The following OCRL variants were observed in gnomAD, a reference collection of about 807,000 sequenced individuals.
The protein encoded by OCRL is OCRL inositol polyphosphate-5-phosphatase, also known as inositol polyphosphate 5-phosphatase OCRL.
OCRL carries 8 observed loss-of-function variants against 78.9 expected under a neutral mutation model. The observed-to-expected ratio is 0.10, with a 90% confidence interval of 0.06 to 0.18. The LOEUF is 0.18. OCRL is among the 10% of genes least tolerant of loss of function. The pLI is 1.00. For synonymous variants in OCRL, 240 were observed against 235.4 expected, an observed-to-expected ratio of 1.02 and a Z score of -0.18; for missense variants, 454 against 696.7, an observed-to-expected ratio of 0.65 and a Z score of 3.92.
At chrX:129,540,523 G>A (rs1385921005) in intron 1 of OCRL, 45 bp downstream of exon 1, 19 of 1,122,269 alleles carry the variant, frequency 1.7e-5, no homozygotes, top group Admixed American at 2.6e-5. Context: ...GCAGGGCCGG[G>A]GGTGGGGGTC....
At chrX:129,568,669 T>G (rs768801586) in intron 14 of OCRL, among the ~76,000 whole-genome samples, 1 of 112,610 alleles carries the variant, frequency 8.9e-6, no homozygotes, top group South Asian at 3.7e-4. Context: ...TGGTATTCTG[T>G]GGACTGACAT....
intron 4 of OCRL, 124 bp from the exon 5 acceptor site, chrX:129,557,201 A>G (rs1936066492): frequency 3.5e-6 from 2 of 573,350 alleles, no homozygotes; most frequent in Non-Finnish European, 5.9e-6. Flanking sequence ...TGTGCTTCCT[A>G]TATTAGAGAT....
chrX:129,559,401 G>C (rs746023894), intron 8 of OCRL, among the ~76,000 whole-genome samples: 18 of 111,790 alleles, frequency 1.6e-4, no homozygotes, highest in Non-Finnish European at 3.0e-4. Flanking sequence ...GTTTCACCAG[G>C]TTGCCCAGGC....
chrX:129,590,966 C>T lies in OCRL; in HGVS notation c.*696C>T, dbSNP rs1183826848. 3 of 114,126 alleles carry T rather than the reference C, an allele frequency of 2.6e-5. No individual in the cohort carries two copies. The highest frequency in any genetic ancestry group is 7.2e-4 in the South Asian group (2 of 2,775). 9.4% of individuals were successfully genotyped at this position (114,126 alleles called of 1,213,427 possible). On this transcript the variant is annotated 3_prime_UTR_variant, in exon 24 of 24. Transcript: ENST00000371113. ...GTAGGGACTATTAGAGATGGCATCT[C>T]ATCGATGAGAGAGAATCACAATCAG...
chrX:129,571,363 GTTTTTT>G (rs1301308479), intron 15 of OCRL, among the ~76,000 whole-genome samples: 1 of 80,522 alleles, frequency 1.2e-5, no homozygotes, highest in East Asian at 3.9e-4. Flanking sequence ...TTGTTTTTTG[GTTTTTT>G]TTTTTTTTTT....
chrX:129,569,248 G>GTTTC lies in OCRL; in HGVS notation c.1467-12_1467-9dup. 11 of 1,209,642 alleles carry GTTTC rather than the reference G, an allele frequency of 9.1e-6. No individual in the cohort carries two copies. Among genetic ancestry groups the GTTTC allele is most frequent in the Non-Finnish European group, 1.2e-5 (11 of 893,786 alleles). On this transcript the variant is annotated splice_polypyrimidine_tract_variant and intron_variant, in intron 14 of 23. Coordinates refer to ENST00000371113, the MANE Select transcript of OCRL (RefSeq NM_000276.4). ...GTGTGATATGTTCTCTTTATAACTC[G>GTTTC]TTTCTTTACTTACAGTGGGAAATGC...
chrX:129,540,998 C>T (rs765016977), intron 2 of OCRL, among the ~76,000 whole-genome samples, 175 bp downstream of exon 2: 1 of 111,741 alleles, frequency 8.9e-6, no homozygotes, highest in African/African-American at 3.3e-5. Flanking sequence ...ACTTCCAAGC[C>T]TCTGGATTGT....
chrX:129,547,480 G>C (rs1328195459), intron 3 of OCRL, among the ~76,000 whole-genome samples: 23 of 100,415 alleles, frequency 2.3e-4, no homozygotes, highest in African/African-American at 7.1e-4. Flanking sequence ...AGCCGAGATC[G>C]TGCCACTGCA....
At chrX:129,581,686 A>G (rs1009410032) in intron 18 of OCRL, among the ~76,000 whole-genome samples, 2 of 102,609 alleles carry the variant, frequency 1.9e-5, no homozygotes, top group South Asian at 4.5e-4. Flanking sequence ...ATCCTTTAAT[A>G]TATATACTTA....
intron 8 of OCRL, among the ~76,000 whole-genome samples, chrX:129,559,336 C>T (rs1021747432): frequency 1.8e-5 from 2 of 111,626 alleles, no homozygotes; most frequent in African/African-American, 6.5e-5. Context: ...GTAGGTGGAA[C>T]TACAGGTGCA....
chrX:129,540,812 C>A lies in OCRL; in HGVS notation c.108C>A (p.Asn36Lys), dbSNP rs1282233549. ...GCGCCCTGACCCTAGCCCAGAGGAA[C>A]GGGCAATATGAGTAAGTAACCACCT... is the stretch of plus-strand genomic sequence containing the variant. ...EPCALTLAQR[N>K]GQYELIIQLH... Residue 36 changes from asparagine to lysine, a missense_variant, in exon 2 of 24, where the codon AAC becomes AAA. This residue lies in a region of OCRL where 177 missense variants were observed against 179.6 expected (regional missense o/e 0.99). Coordinates refer to ENST00000371113, the MANE Select transcript of OCRL (RefSeq NM_000276.4). The A allele has an allele frequency of 1.7e-6, 2 of 1,203,819 alleles. No homozygotes were observed. The highest frequency in any genetic ancestry group is 1.8e-5 in the South Asian group (1 of 56,782).
intron 12 of OCRL, among the ~76,000 whole-genome samples, chrX:129,563,397 A>G (rs1213786758): frequency 8.9e-6 from 1 of 112,475 alleles, no homozygotes; most frequent in Non-Finnish European, 1.9e-5. Flanking sequence ...AATGAAATTT[A>G]TTGATACTCA....
intron 3 of OCRL, among the ~76,000 whole-genome samples, chrX:129,547,178 G>A (rs1935890744): frequency 9.0e-6 from 1 of 111,406 alleles, no homozygotes; most frequent in Non-Finnish European, 1.9e-5. Context: ...GCAGTGAGCT[G>A]TGATTGTGCC....
chrX:129,568,106 C>T (rs1299807565), intron 14 of OCRL, among the ~76,000 whole-genome samples: 4 of 109,071 alleles, frequency 3.7e-5, no homozygotes, highest in Non-Finnish European at 7.6e-5. Flanking sequence ...TTAGTAGAGA[C>T]GGGGTTTCAC....
chrX:129,578,012 G>A (rs1042722355), intron 18 of OCRL, among the ~76,000 whole-genome samples: 21 of 111,038 alleles, frequency 1.9e-4, no homozygotes, highest in African/African-American at 4.3e-4. Context: ...CAGAAAAATG[G>A]AAAGAACAGT....
chrX:129,588,772 G>A (rs1386873786), intron 21 of OCRL, 114 bp from the exon 22 acceptor site: 8 of 882,467 alleles, frequency 9.1e-6, no homozygotes, highest in South Asian at 8.0e-5. Flanking sequence ...GGATCAATGT[G>A]CCCTGAATAA....
Position 129,587,021 on chromosome X carries a change from T to C in OCRL, c.2159T>C (p.Met720Thr). The C allele has an allele frequency of 8.3e-7, 1 of 1,203,658 alleles. No homozygotes were observed. The highest frequency in any genetic ancestry group is 1.1e-6 in the Non-Finnish European group (1 of 888,030). ...FLEKEKSLLQ[M>T]VPLDEGASER... ...TATTAGGAGAAATCCCTTCTGCAAA[T>C]GGTTCCTTTGGATGAAGGTGCCAGT... is the stretch of plus-strand genomic sequence containing the variant. The change falls in exon 20 of 24, where the codon ATG (methionine) becomes ACG (threonine). Residue 720 changes from methionine (M) to threonine (T), a missense_variant. Met to Thr is a moderately conservative substitution (Grantham distance 81, BLOSUM62 -1). This residue lies in a region of OCRL where 277 missense variants were observed against 517.1 expected (regional missense o/e 0.54). Transcript: ENST00000371113.
chrX:129,543,332 T>C (rs138799473), intron 2 of OCRL, among the ~76,000 whole-genome samples: 1,200 of 112,950 alleles, frequency 0.011, 18 homozygotes, highest in African/African-American at 0.036. Flanking sequence ...TTTGTAATAG[T>C]TTTTAACAGT....
At chrX:129,547,291 C>T (rs1935893574) in intron 3 of OCRL, among the ~76,000 whole-genome samples, 2 of 109,893 alleles carry the variant, frequency 1.8e-5, no homozygotes, top group South Asian at 3.9e-4. Context: ...TTTGGGAGGC[C>T]AAGGTGGGCA....
Sources: allele counts gnomAD v4.1 joint callset (sites outside exome capture counted in the v4.1 genomes callset), GRCh38; gene constraint gnomAD v4.1.1; regional missense constraint gnomAD v4.1.1; transcripts MANE v1.5; gene names NCBI Gene and HGNC (gene_info 2026-07-23, HGNC 2026-07-21).